Variants in RORA observed in about 807,000 individuals in gnomAD.
RORA encodes the protein nuclear receptor ROR-alpha.
In RORA, 7 loss-of-function variants were observed where a neutral mutation model predicts 69.5. The ratio of observed to expected loss-of-function variants is 0.10; its 90% CI spans 0.06 to 0.19. The LOEUF (loss-of-function observed/expected upper bound fraction) is 0.19. RORA is among the 10% of genes least tolerant of loss of function. RORA has a pLI of 1.00. For missense variants in RORA, 457 were observed against 663.0 expected (o/e 0.69, Z 3.41); for synonymous variants, 261 against 240.8 (o/e 1.08, Z -0.78).
At chr15:61,040,921 T>C (rs1896735921) in intron 1 of RORA, among the ~76,000 whole-genome samples, 1 of 152,226 alleles carries the variant, frequency 6.6e-6, no homozygotes, top group Admixed American at 6.5e-5. Flanking sequence ...CTATAGTATT[T>C]TGTAATTATG....
chr15:60,614,893 C>T, intron 2 of RORA: 1 of 1,611,378 alleles, frequency 6.2e-7, no homozygotes, highest in Non-Finnish European at 8.5e-7. Context: ...AAATAACGCA[C>T]CTTTTCTCAA....
At chr15:60,597,558 ATATATATATATATATAC>A (rs2068703236) in intron 2 of RORA, among the ~76,000 whole-genome samples, 1 of 25,172 alleles carries the variant, frequency 4.0e-5, no homozygotes, top group African/African-American at 1.8e-4. Flanking sequence ...CAACATATAT[ATATATATATATATATAC>A]ACATATATAT....
intron 1 of RORA, among the ~76,000 whole-genome samples, chr15:60,902,950 T>C (rs991148586): frequency 1.3e-5 from 2 of 152,266 alleles, no homozygotes; most frequent in Non-Finnish European, 2.9e-5. Context: ...TAATTGAGGA[T>C]ATCTGCCAGA....
intron 1 of RORA, among the ~76,000 whole-genome samples, chr15:60,931,273 G>A (rs1892364980): frequency 6.6e-6 from 1 of 152,222 alleles, no homozygotes; most frequent in Non-Finnish European, 1.5e-5. Context: ...GAGGCACAAA[G>A]CCCCTGTCCC....
intron 2 of RORA, among the ~76,000 whole-genome samples, chr15:60,637,164 G>A (rs1006032939): frequency 6.6e-6 from 1 of 151,844 alleles, no homozygotes; most frequent in Non-Finnish European, 1.5e-5. Flanking sequence ...CAAGAAAGCT[G>A]TATCAATTTA....
chr15:60,769,321 C>A (rs558633735), intron 1 of RORA, among the ~76,000 whole-genome samples: 2 of 152,308 alleles, frequency 1.3e-5, no homozygotes, highest in South Asian at 4.2e-4. Context: ...CCTGTTAACT[C>A]TTTTTGTCTC....
At chr15:61,150,457 C>T (rs973480605) in intron 1 of RORA, among the ~76,000 whole-genome samples, 1 of 152,158 alleles carries the variant, frequency 6.6e-6, no homozygotes, top group Admixed American at 6.5e-5. Flanking sequence ...TTGTTCAGCC[C>T]TCCCTATGCT....
chr15:60,750,397 C>A (rs567319246), intron 1 of RORA, among the ~76,000 whole-genome samples: 1 of 152,310 alleles, frequency 6.6e-6, no homozygotes, highest in African/African-American at 2.4e-5. Flanking sequence ...ATACAGAGAA[C>A]AATTGTGCAG....
rs555074048 is a variant in RORA at position 60,589,380 on chromosome 15, T to A, written c.197-57529A>T. On this transcript the variant is annotated intron_variant, in intron 2 of 10. Transcript: ENST00000335670. ...TTCCCTTTAAGCCTCCCTGTGCTCT[T>A]ATAACTCCATTTGCACAAACACAGG... 4.6e-5 allele frequency among the ~76,000 whole-genome samples: 7 copies of A among 152,338 alleles called. No homozygotes were observed. The South Asian group carries it at 1.5e-3, about 32-fold the overall frequency.
chr15:61,098,251 CCCT>C (rs995582550), intron 1 of RORA, among the ~76,000 whole-genome samples: 4 of 144,562 alleles, frequency 2.8e-5, no homozygotes, highest in Admixed American at 6.9e-5. Context: ...TCTCCCTCCC[CCCT>C]TTTTTTCTCC....
intron 2 of RORA, among the ~76,000 whole-genome samples, chr15:60,609,773 T>C (rs1210593939): frequency 6.6e-6 from 1 of 152,124 alleles, no homozygotes; most frequent in Admixed American, 6.5e-5. Context: ...GCACAAATCA[T>C]GGACTACCCA....
At chr15:60,914,150 A>T (rs1005390794) in intron 1 of RORA, among the ~76,000 whole-genome samples, 2 of 152,212 alleles carry the variant, frequency 1.3e-5, no homozygotes, top group African/African-American at 4.8e-5. Context: ...TGGCTGTGCT[A>T]ATTTGCTGTA....
intron 1 of RORA, among the ~76,000 whole-genome samples, chr15:60,751,055 G>A (rs1193086518): frequency 1.3e-5 from 2 of 152,206 alleles, no homozygotes; most frequent in African/African-American, 4.8e-5. Flanking sequence ...CAGGTGGGGA[G>A]CAGAATCCAA....
chr15:61,055,580 C>T (rs979525784), intron 1 of RORA, among the ~76,000 whole-genome samples: 2 of 152,174 alleles, frequency 1.3e-5, no homozygotes, highest in Non-Finnish European at 2.9e-5. Flanking sequence ...TTATTAGGCC[C>T]ACCCTACAAA....
intron 1 of RORA, among the ~76,000 whole-genome samples, chr15:61,096,257 G>A (rs896721166): frequency 6.6e-6 from 1 of 152,170 alleles, no homozygotes; most frequent in Non-Finnish European, 1.5e-5. Flanking sequence ...CCCTTATAGA[G>A]CTGCAGCCTT....
chr15:60,747,596 A>T (rs2071666346), intron 1 of RORA, among the ~76,000 whole-genome samples: 1 of 152,188 alleles, frequency 6.6e-6, no homozygotes, highest in African/African-American at 2.4e-5. Flanking sequence ...TGCTTCCACC[A>T]TTTCAGAATT....
chr15:60,985,398 T>G (rs1894168797), intron 1 of RORA, among the ~76,000 whole-genome samples: 1 of 151,948 alleles, frequency 6.6e-6, no homozygotes, highest in African/African-American at 2.4e-5. Flanking sequence ...AAAGAAGAAC[T>G]AAATTAAAAT....
Position 60,499,994 on chromosome 15 carries a change from C to G in RORA, c.1305G>C (p.Trp435Cys). ...AFVLMSADRS[W>C]LQEKVKIEKL... ...TTTCAATTTTTACCTTTTCTTGCAG[C>G]CATGAGCGATCTAAGCATAAAAAAA... The change falls in exon 10 of 11, where the codon TGG (tryptophan) becomes TGC (cysteine). Residue 435 changes from tryptophan to cysteine, a missense_variant. By Grantham distance (215) the Trp-to-Cys change is radical. Around this residue, in one of 3 missense-constraint regions of RORA, gnomAD observed 304 missense variants for 447.4 expected, o/e 0.68. Coordinates refer to ENST00000335670, the MANE Select transcript of RORA (RefSeq NM_134261.3). The G allele has an allele frequency of 1.2e-6, 2 of 1,607,484 alleles. No individual in the cohort carries two copies. The highest frequency in any genetic ancestry group is 1.1e-5 in the South Asian group (1 of 90,758).
chr15:60,567,239 C>A (rs138995711), intron 2 of RORA, among the ~76,000 whole-genome samples: 2 of 151,442 alleles, frequency 1.3e-5, no homozygotes, highest in African/African-American at 4.9e-5. Context: ...TTCCAAACGG[C>A]GACAGAGCCA....
Sources: gnomAD v4.1 joint callset for allele counts (sites outside exome capture counted in the v4.1 genomes callset) on GRCh38, gnomAD v4.1.1 for gene constraint, gnomAD v4.1.1 regional missense constraint, MANE v1.5 for transcripts, NCBI Gene and HGNC (gene_info 2026-07-23, HGNC 2026-07-21) for gene names.